Variants in IL16 observed in about 807,000 individuals in gnomAD.
The protein encoded by IL16 is pro-interleukin-16.
In IL16, 67 loss-of-function variants were observed where a neutral mutation model predicts 110.1. The observed-to-expected ratio is 0.61, with a 90% confidence interval of 0.50 to 0.75. The LOEUF (loss-of-function observed/expected upper bound fraction) is 0.75. Ranked by LOEUF, IL16 falls within the 30% of genes least tolerant of loss-of-function variation. The pLI, the probability that IL16 is intolerant of heterozygous loss-of-function variation, is 0.00. For missense variants in IL16, 1,545 were observed against 1,655.0 expected (o/e 0.93, Z 1.15); for synonymous variants, 689 against 662.9 (o/e 1.04, Z -0.61).
chr15:81,231,480 C>A (rs1006599018), intron 2 of IL16, among the ~76,000 whole-genome samples: 1 of 152,090 alleles, frequency 6.6e-6, no homozygotes, highest in African/African-American at 2.4e-5. Flanking sequence ...CTCAAGTGAT[C>A]CCCCCTTTCA....
chr15:81,296,870 C>T, intron 12 of IL16, 58 bp from the exon 13 acceptor site: 1 of 1,488,810 alleles, frequency 6.7e-7, no homozygotes, highest in Non-Finnish European at 9.1e-7. Context: ...CGTGTCTCGC[C>T]TTCTCACAGC....
chr15:81,229,921 C>T (rs555528267), intron 2 of IL16, among the ~76,000 whole-genome samples: 11 of 152,236 alleles, frequency 7.2e-5, no homozygotes, highest in South Asian at 2.1e-4. Context: ...CCTCTGGAAA[C>T]GCCTAATATA....
At chr15:81,196,653 A>G (rs893983692), upstream of IL16, among the ~76,000 whole-genome samples, 1 of 152,180 alleles carries the variant, frequency 6.6e-6, no homozygotes, top group South Asian at 2.1e-4. Flanking sequence ...TTGTCCAAAG[A>G]AGGCAGGGGC....
At position 81,282,697 on chromosome 15, in the gene IL16, T is replaced by C. The variant is rs368201095; in HGVS notation, c.1140T>C (p.Ser380=). ...LCSVPYFQCI[S]GIFVHTLSPG... is the part of the protein sequence containing the mutation. ...GCGTTCCCTACTTCCAATGCATCTCTGGCATTTTCGTCCACACGCTGTCAC... is the reference window on the plus strand; with the variant it reads ...GCGTTCCCTACTTCCAATGCATCTCCGGCATTTTCGTCCACACGCTGTCAC... Residue 380 remains serine (S), a synonymous_variant, in exon 9 of 19, where the codon TCT becomes TCC. Transcript: ENST00000683961. 191 of 1,614,126 alleles carry C rather than the reference T, an allele frequency of 1.2e-4. No homozygotes were observed. In the African/African-American group the frequency reaches 2.3e-3, roughly 20 times the overall value.
intron 10 of IL16, among the ~76,000 whole-genome samples, chr15:81,288,527 C>T (rs958523122): frequency 5.9e-5 from 9 of 152,180 alleles, no homozygotes; most frequent in African/African-American, 1.7e-4. Flanking sequence ...TAAGGACATT[C>T]TCATTGTTGT....
intron 2 of IL16, among the ~76,000 whole-genome samples, chr15:81,255,067 C>T (rs1224057088): frequency 1.3e-5 from 2 of 152,194 alleles, no homozygotes. Context: ...TTCCCTACGA[C>T]TCATTTCTGA....
chr15:81,311,032 G>A lies in IL16; in HGVS notation c.*2234G>A, dbSNP rs1232653832. On this transcript the variant is annotated 3_prime_UTR_variant, in exon 19 of 19. Coordinates refer to ENST00000683961, the MANE Select transcript of IL16 (RefSeq NM_172217.5). ...TATTGCCCAGGTTTCTGGTCTCTAG[G>A]CTGGGGAAGTCCTCTGGGTAGGAAT... The A allele has an allele frequency of 2.0e-5, 3 of 152,222 alleles. No individual in the cohort carries two copies. The highest frequency in any genetic ancestry group is 1.3e-4 in the Admixed American group (2 of 15,292). 9.4% of individuals were successfully genotyped at this position (152,222 alleles called of 1,614,324 possible).
Position 81,225,653 on chromosome 15 carries a change from A to T in IL16, c.254A>T (p.Gln85Leu), listed in dbSNP as rs1223692576. 6.2e-7 allele frequency: 1 copy of T among 1,614,034 alleles called. No individual in the cohort carries two copies. The highest frequency in any genetic ancestry group is 8.5e-7 in the Non-Finnish European group (1 of 1,179,958). ...CTAGCACTGGCCTCGGAGGCTGCTCAACTCCAAGCAGCTGGGAATGATCGA... is the reference window on the plus strand; with the variant it reads ...CTAGCACTGGCCTCGGAGGCTGCTCTACTCCAAGCAGCTGGGAATGATCGA... ...PDLALASEAA[Q>L]LQAAGNDRGK... The change falls in exon 2 of 19, where the codon CAA (glutamine) becomes CTA (leucine). Residue 85 changes from glutamine (Q) to leucine (L), a missense_variant. Transcript: ENST00000683961.
upstream of IL16, among the ~76,000 whole-genome samples, chr15:81,193,782 G>C (rs925530209): frequency 1.3e-5 from 2 of 152,124 alleles, no homozygotes; most frequent in African/African-American, 4.8e-5. Flanking sequence ...CTCAGTGTTT[G>C]CATCCGTAAG....
Position 81,202,076 on chromosome 15 carries a change from T to G in IL16, c.-102+4924T>G, listed in dbSNP as rs139641340. ...GTATGTAAAATGTCTTTTCCTACTT[T>G]ATACATTTTATCTGGCCAGAGAACA... On this transcript the variant is annotated intron_variant, in intron 1 of 18. Transcript: ENST00000683961. 5.1e-3 allele frequency among the ~76,000 whole-genome samples: 780 copies of G among 152,356 alleles called. 3 individuals carry two copies. Among genetic ancestry groups the G allele is most frequent in the Non-Finnish European group, 7.3e-3 (499 of 68,032 alleles).
At chr15:81,282,913 C>A (rs983348904) in intron 9 of IL16, among the ~76,000 whole-genome samples, 157 bp downstream of exon 9, 2 of 152,210 alleles carry the variant, frequency 1.3e-5, no homozygotes, top group Non-Finnish European at 2.9e-5. Context: ...CTGTTGTGGG[C>A]ACTGGCTGGG....
At chr15:81,218,270 A>T (rs1227344613) in intron 1 of IL16, among the ~76,000 whole-genome samples, 1 of 152,166 alleles carries the variant, frequency 6.6e-6, no homozygotes, top group Non-Finnish European at 1.5e-5. Context: ...ATAGAAAAAA[A>T]TGTTCCGGAA....
chr15:81,249,445 T>C (rs1394301330), intron 2 of IL16, among the ~76,000 whole-genome samples: 1 of 152,168 alleles, frequency 6.6e-6, no homozygotes, highest in Non-Finnish European at 1.5e-5. Flanking sequence ...TTTATTTTAC[T>C]CATTTTTGAA....
At chr15:81,216,646 T>TAGCAGC (rs6145652) in intron 1 of IL16, among the ~76,000 whole-genome samples, 48 of 151,372 alleles carry the variant, frequency 3.2e-4, no homozygotes, top group South Asian at 2.9e-3. Flanking sequence ...CTGTCTGTCT[T>TAGCAGC]AGCAGCAGCA....
Position 81,296,921 on chromosome 15 carries a change from A to G in IL16, c.1903-7A>G. 1 of 1,602,684 alleles carries G rather than the reference A, an allele frequency of 6.2e-7. No homozygotes were observed. The highest frequency in any genetic ancestry group is 1.1e-5 in the South Asian group (1 of 90,008). ...TGACATGGTCTCGCTTCCTGTTTACACCACAGGAAGCGAGAGAGCTGCTGC... is the reference window on the plus strand; with the variant it reads ...TGACATGGTCTCGCTTCCTGTTTACGCCACAGGAAGCGAGAGAGCTGCTGC... On this transcript the variant is annotated splice_polypyrimidine_tract_variant and splice_region_variant and intron_variant, in intron 12 of 18. Transcript: ENST00000683961.
intron 1 of IL16, among the ~76,000 whole-genome samples, chr15:81,216,567 G>A (rs902280687): frequency 4.6e-5 from 7 of 152,124 alleles, no homozygotes; most frequent in Admixed American, 3.3e-4. Flanking sequence ...GCTGCATGTA[G>A]TCGGCCATCT....
chr15:81,242,071 C>A (rs1250728548), intron 2 of IL16, among the ~76,000 whole-genome samples: 1 of 151,486 alleles, frequency 6.6e-6, no homozygotes, highest in Non-Finnish European at 1.5e-5. Flanking sequence ...GTATATGCTT[C>A]AGGCTTATTT....
chr15:81,197,702 G>GT (rs546004281), intron 1 of IL16, among the ~76,000 whole-genome samples: 29 of 152,000 alleles, frequency 1.9e-4, no homozygotes, highest in Middle Eastern at 3.4e-3. Flanking sequence ...CAGGATTGGT[G>GT]TTTTTTTGTT....
intron 16 of IL16, 200 bp from the exon 17 acceptor site, chr15:81,305,708 T>A: frequency 3.2e-6 from 2 of 616,204 alleles, no homozygotes; most frequent in Non-Finnish European, 5.6e-6. Context: ...TGGTCATTAC[T>A]GCTGGTGATC....
Sources: gnomAD v4.1 joint callset for allele counts (sites outside exome capture counted in the v4.1 genomes callset) on GRCh38, gnomAD v4.1.1 for gene constraint, MANE v1.5 for transcripts, NCBI Gene and HGNC (gene_info 2026-07-23, HGNC 2026-07-21) for gene names.